CTNNA2: variants seen among roughly 807,000 people sequenced by gnomAD.
CTNNA2 encodes the protein catenin alpha-2.
In CTNNA2, 42 loss-of-function variants were observed where a neutral mutation model predicts 101.0. The observed-to-expected ratio is 0.42, with a 90% CI of 0.32 to 0.54. The LOEUF (loss-of-function observed/expected upper bound fraction) is 0.54. CTNNA2 is among the 20% of genes least tolerant of loss of function. The probability of loss-of-function intolerance (pLI) is 0.14; values close to 1 mark genes in which losing one functional copy is unlikely to be tolerated. For synonymous variants in CTNNA2, 450 were observed against 456.4 expected (o/e 0.99, Z 0.18); for missense variants, 871 against 1,223.1 (o/e 0.71, Z 4.29).
At chr2:79,186,722 T>C (rs980032395) in intron 1 of CTNNA2, among the ~76,000 whole-genome samples, 3 of 152,184 alleles carry the variant, frequency 2.0e-5, no homozygotes, top group African/African-American at 7.2e-5. Context: ...CGCCAGTTTC[T>C]TCTACTTCTC....
chr2:79,838,436 C>T (rs964251562), intron 3 of CTNNA2, among the ~76,000 whole-genome samples: 5 of 151,952 alleles, frequency 3.3e-5, no homozygotes, highest in African/African-American at 1.2e-4. Flanking sequence ...AAGGGGTTTC[C>T]ATGCTAGAAT....
intron 7 of CTNNA2, among the ~76,000 whole-genome samples, chr2:79,930,312 G>GA (rs1553406906): frequency 2.4e-5 from 3 of 123,368 alleles, no homozygotes; most frequent in Non-Finnish European, 5.1e-5. Flanking sequence ...AAGAAAGAAA[G>GA]AAAGAAAGAA....
intron 8 of CTNNA2, among the ~76,000 whole-genome samples, chr2:80,402,265 T>C (rs1678621426): frequency 1.3e-5 from 2 of 152,218 alleles, no homozygotes; most frequent in Non-Finnish European, 2.9e-5. Context: ...TTCCCTGTAC[T>C]TCCATTTTTT....
intron 4 of CTNNA2, among the ~76,000 whole-genome samples, chr2:79,494,842 G>A (rs1671238683): frequency 6.6e-6 from 1 of 152,036 alleles, no homozygotes; most frequent in South Asian, 2.1e-4. Flanking sequence ...AGGGCGTGGT[G>A]GCTCACGTCT....
At chr2:79,294,460 G>A (rs77735551) in intron 2 of CTNNA2, among the ~76,000 whole-genome samples, 3,693 of 152,180 alleles carry the variant, frequency 0.024, 138 homozygotes, top group African/African-American at 0.085. Flanking sequence ...TGAACGTGGA[G>A]TGGGACACAA....
rs149285094 is a variant in CTNNA2, at chr2:80,099,673, C to T, written c.1056+189876C>T. On this transcript the variant is annotated intron_variant, in intron 7 of 18. Transcript: ENST00000402739. ...GCAGATCAGTTTAGAGAATTTTCAGCAGGTTCATCTAAACTTCGTATTTCT... is the reference window on the plus strand; with the variant it reads ...GCAGATCAGTTTAGAGAATTTTCAGTAGGTTCATCTAAACTTCGTATTTCT... 8.8e-3 allele frequency among the ~76,000 whole-genome samples: 1,332 copies of T among 151,210 alleles called. 9 individuals carry two copies. Among genetic ancestry groups the T allele is most frequent in the Non-Finnish European group, 0.012 (826 of 67,930 alleles).
At chr2:80,332,073 C>T (rs1419743044) in intron 7 of CTNNA2, among the ~76,000 whole-genome samples, 1 of 152,098 alleles carries the variant, frequency 6.6e-6, no homozygotes, top group Non-Finnish European at 1.5e-5. Context: ...GTGAGGGTCT[C>T]CAGCCTTGGT....
intron 7 of CTNNA2, among the ~76,000 whole-genome samples, chr2:80,234,812 AT>A (rs201091912): frequency 0.12 from 17,769 of 146,102 alleles, 2,297 homozygotes; most frequent in African/African-American, 0.33. Flanking sequence ...AAGTTGGCAG[AT>A]TTTTTTTTTT....
In CTNNA2 at chr2:79,276,999, G is replaced by A. The variant is rs564314541; in HGVS notation, c.-405-35710G>A. ...ACACATTGTGTTTGCTATTTTACATGTCTAGAGTAAGACCCATCCACCGAG... is the reference window on the plus strand; with the variant it reads ...ACACATTGTGTTTGCTATTTTACATATCTAGAGTAAGACCCATCCACCGAG... On this transcript the variant is annotated intron_variant, in intron 2 of 21. Coordinates refer to the CTNNA2 transcript ENST00000466387. Among the ~76,000 whole-genome samples the A allele has an allele frequency of 2.6e-5, 4 of 152,128 alleles. No homozygotes were observed. The East Asian group carries it at 7.8e-4, about 30-fold the overall frequency.
At chr2:79,975,343 T>C (rs1433801189) in intron 7 of CTNNA2, among the ~76,000 whole-genome samples, 1 of 152,162 alleles carries the variant, frequency 6.6e-6, no homozygotes, top group Non-Finnish European at 1.5e-5. Context: ...TTTCCTACTC[T>C]ACTGTCACAA....
chr2:79,804,695 G>T (rs1359828024), intron 3 of CTNNA2, among the ~76,000 whole-genome samples: 1 of 152,018 alleles, frequency 6.6e-6, no homozygotes, highest in South Asian at 2.1e-4. Context: ...ATATACATAA[G>T]TTTAGATATT....
chr2:79,718,846 G>T (rs1042632261), intron 2 of CTNNA2, among the ~76,000 whole-genome samples: 1 of 150,516 alleles, frequency 6.6e-6, no homozygotes, highest in African/African-American at 2.4e-5. Context: ...TTGTGGTGGT[G>T]GTGGTGATTG....
intron 3 of CTNNA2, among the ~76,000 whole-genome samples, chr2:79,353,430 G>A (rs1247035120): frequency 1.3e-5 from 2 of 152,156 alleles, no homozygotes; most frequent in Non-Finnish European, 2.9e-5. Flanking sequence ...GTTAGAGTAC[G>A]TACTGTGTGC....
At chr2:79,680,908 T>C (rs1486367674) in intron 2 of CTNNA2, among the ~76,000 whole-genome samples, 6 of 152,206 alleles carry the variant, frequency 3.9e-5, no homozygotes, top group Non-Finnish European at 7.3e-5. Context: ...AGTGTGGAAC[T>C]GGGACCTTAG....
At chr2:79,976,525 T>G (rs1223341451) in intron 7 of CTNNA2, among the ~76,000 whole-genome samples, 1 of 152,196 alleles carries the variant, frequency 6.6e-6, no homozygotes, top group African/African-American at 2.4e-5. Flanking sequence ...GTTCAAATAT[T>G]GCTGTCCCAG....
chr2:79,612,226 G>A (rs537070645), intron 1 of CTNNA2, among the ~76,000 whole-genome samples: 54 of 152,288 alleles, frequency 3.5e-4, no homozygotes, highest in Non-Finnish European at 5.9e-4. Context: ...CTGTGCTCCA[G>A]TATTCTTTTA....
At chr2:79,749,931 A>G (rs1201445405) in intron 3 of CTNNA2, among the ~76,000 whole-genome samples, 2 of 152,220 alleles carry the variant, frequency 1.3e-5, no homozygotes, top group Non-Finnish European at 2.9e-5. Flanking sequence ...ATTAGTGAGC[A>G]AGTCCCGGCC....
intron 9 of CTNNA2, among the ~76,000 whole-genome samples, chr2:80,481,484 A>G (rs1320212457): frequency 1.3e-5 from 2 of 152,122 alleles, no homozygotes; most frequent in Admixed American, 6.6e-5. Flanking sequence ...TATTATTAGT[A>G]TGAATAATGT....
intron 7 of CTNNA2, among the ~76,000 whole-genome samples, chr2:80,184,276 TGACA>T (rs975914165): frequency 1.4e-4 from 21 of 152,264 alleles, no homozygotes; most frequent in Admixed American, 7.2e-4. Flanking sequence ...AGCATGTCAT[TGACA>T]GACAGATGCA....
Sources: gnomAD v4.1 joint callset for allele counts (sites outside exome capture counted in the v4.1 genomes callset) on GRCh38, gnomAD v4.1.1 for gene constraint, MANE v1.5 for transcripts, NCBI Gene and HGNC (gene_info 2026-07-23, HGNC 2026-07-21) for gene names.